AKAP13: variants seen among roughly 807,000 people sequenced by gnomAD.
The protein encoded by AKAP13 is A-kinase anchoring protein 13.
In AKAP13, 80 loss-of-function variants were observed where a neutral mutation model predicts 264.5. The observed-to-expected ratio is 0.30, with a 90% CI of 0.25 to 0.36. AKAP13 has a LOEUF of 0.36. Among genes scored for constraint, AKAP13 ranks in the 10% least tolerant of loss-of-function variants. The probability of loss-of-function intolerance (pLI) is 1.00; values close to 1 mark genes in which losing one functional copy is unlikely to be tolerated. For missense variants in AKAP13, 3,712 were observed against 3,435.2 expected (o/e 1.08, Z -2.01); for synonymous variants, 1,380 against 1,250.2 (o/e 1.10, Z -2.19).
intron 3 of AKAP13, among the ~76,000 whole-genome samples, chr15:85,532,773 G>A (rs1465352112): frequency 1.3e-5 from 2 of 152,194 alleles, no homozygotes; most frequent in African/African-American, 4.8e-5. Context: ...TGACCTGTCT[G>A]CAGCCGAACT....
chr15:85,694,578 A>G (rs1274420098), intron 17 of AKAP13, among the ~76,000 whole-genome samples: 1 of 152,246 alleles, frequency 6.6e-6, no homozygotes, highest in African/African-American at 2.4e-5. Flanking sequence ...GGGCTATACA[A>G]AAATAGGCTT....
chr15:85,625,987 A>G (rs1214024098), intron 8 of AKAP13, among the ~76,000 whole-genome samples: 2 of 152,272 alleles, frequency 1.3e-5, no homozygotes, highest in Non-Finnish European at 2.9e-5. Context: ...TAGTAAGCAC[A>G]ATATTCTTCA....
At chr15:85,658,505 G>A in intron 11 of AKAP13, 32 bp from the exon 12 acceptor site, 1 of 1,610,464 alleles carries the variant, frequency 6.2e-7, no homozygotes, top group Non-Finnish European at 8.5e-7. Flanking sequence ...TGTTTCACCT[G>A]CAACACTGAC....
intron 4 of AKAP13, among the ~76,000 whole-genome samples, chr15:85,543,201 T>C (rs544983309): frequency 1.4e-4 from 22 of 152,368 alleles, no homozygotes; most frequent in Non-Finnish European, 2.9e-4. Context: ...AAGCTGGCAG[T>C]GCCAGAAATT....
chr15:85,437,571 A>G (rs1013914726), intron 1 of AKAP13, among the ~76,000 whole-genome samples: 2 of 152,088 alleles, frequency 1.3e-5, no homozygotes, highest in African/African-American at 2.4e-5. Context: ...AAAATCCTCA[A>G]TAAAATACTG....
rs146259960 is a variant in AKAP13, at chr15:85,423,712, G to T, written c.-12+42914G>T. Reference sequence around the variant, plus strand: ...AATGTTCTTAATGGCATCTAGAATGGTGAATCCTTTGCAGAAGGTTTTCAG... The same window carrying T: ...AATGTTCTTAATGGCATCTAGAATGTTGAATCCTTTGCAGAAGGTTTTCAG... On this transcript the variant is annotated intron_variant, in intron 1 of 36. Transcript: ENST00000394518. Among the ~76,000 whole-genome samples the T allele has an allele frequency of 6.3e-3, 961 of 152,300 alleles. 11 individuals are homozygous for T. Among genetic ancestry groups the T allele is most frequent in the African/African-American group, 0.022 (910 of 41,566 alleles).
intron 1 of AKAP13, among the ~76,000 whole-genome samples, chr15:85,457,887 A>G (rs920076414): frequency 6.6e-6 from 1 of 152,168 alleles, no homozygotes; most frequent in African/African-American, 2.4e-5. Context: ...TATGCCTGTA[A>G]TCCCAGCCCT....
chr15:85,734,899 G>A lies in AKAP13; in HGVS notation c.7283-93G>A, dbSNP rs77324588. 2.0e-4 allele frequency: 292 copies of A among 1,485,720 alleles called. No homozygotes were observed. In the East Asian group the frequency reaches 5.5e-3, roughly 28 times the overall value. 92.0% of individuals were successfully genotyped at this position (1,485,720 alleles called of 1,614,324 possible). A position where few individuals can be genotyped will look rare whatever the true frequency, so the allele number is the denominator to read the frequency against. On this transcript the variant is annotated intron_variant, in intron 30 of 36. Coordinates refer to ENST00000394518, the MANE Select transcript of AKAP13 (RefSeq NM_007200.5). ...CCCAGTCACTCTTTGGAACTTTCAA[G>A]TCGTGCTCTTTGTACGTATCATATA...
rs371956428 is a variant in AKAP13, at chr15:85,486,183, A to T, written c.33+430A>T. 1.4e-4 allele frequency among the ~76,000 whole-genome samples: 22 copies of T among 152,258 alleles called. No individual in the cohort carries two copies. The East Asian group carries it at 3.7e-3, about 25-fold the overall frequency. On this transcript the variant is annotated intron_variant, in intron 2 of 36. Transcript: ENST00000394518. ...TGTTTTCTTTAGGACTCATCTCCCT[A>T]AAGTGAGGGACTTCCCTCATTCAGT...
At chr15:85,449,403 C>T (rs1443553314) in intron 1 of AKAP13, among the ~76,000 whole-genome samples, 3 of 152,122 alleles carry the variant, frequency 2.0e-5, no homozygotes, top group Non-Finnish European at 4.4e-5. Context: ...TTTCTTCCTA[C>T]TTGGGTGCCC....
intron 8 of AKAP13, among the ~76,000 whole-genome samples, chr15:85,615,772 A>G (rs1391657590): frequency 2.0e-5 from 3 of 152,238 alleles, no homozygotes; most frequent in Admixed American, 6.5e-5. Context: ...CTCTGAAACT[A>G]CCGTATCCCA....
Position 85,533,762 on chromosome 15 carries a change from C to CCAGT in AKAP13, c.364_367dup (p.Gly123ValfsTer12). ...CTTTGAACTTTACCCGTTTTCTTGA[C>CCAGT]CAGTCAGGACCCCCATCTGGGGATG... On this transcript the variant is annotated frameshift_variant, in exon 4 of 37. Transcript: ENST00000394518. LOFTEE classifies it high-confidence loss of function. 6.2e-7 allele frequency: 1 copy of CCAGT among 1,614,080 alleles called. No individual in the cohort carries two copies.
chr15:85,410,055 T>C (rs938487196), intron 1 of AKAP13, among the ~76,000 whole-genome samples: 1 of 151,782 alleles, frequency 6.6e-6, no homozygotes, highest in African/African-American at 2.4e-5. Context: ...GAGTATGATA[T>C]AATTTTATAA....
At chr15:85,639,139 T>C (rs1265193777) in intron 8 of AKAP13, among the ~76,000 whole-genome samples, 1 of 152,202 alleles carries the variant, frequency 6.6e-6, no homozygotes, top group African/African-American at 2.4e-5. Flanking sequence ...TCTTCGTGTA[T>C]CTTTTCTTAT....
At chr15:85,520,053 C>G (rs1215493134) in intron 2 of AKAP13, among the ~76,000 whole-genome samples, 1 of 151,916 alleles carries the variant, frequency 6.6e-6, no homozygotes, top group Non-Finnish European at 1.5e-5. Context: ...TGCTTTAAAC[C>G]TTGATGCTTT....
At chr15:85,512,644 C>T (rs1032941270) in intron 2 of AKAP13, among the ~76,000 whole-genome samples, 3 of 152,122 alleles carry the variant, frequency 2.0e-5, no homozygotes, top group African/African-American at 4.8e-5. Context: ...AAAAAATACT[C>T]TCGGCTACAG....
intron 4 of AKAP13, among the ~76,000 whole-genome samples, chr15:85,538,250 T>G (rs1476734196): frequency 2.0e-5 from 3 of 152,134 alleles, no homozygotes; most frequent in Non-Finnish European, 2.9e-5. Flanking sequence ...TCATTCTTAT[T>G]TACTCATGAT....
At chr15:85,719,379 C>G in intron 23 of AKAP13, 53 bp downstream of exon 23, 1 of 1,596,722 alleles carries the variant, frequency 6.3e-7, no homozygotes, top group South Asian at 1.1e-5. Context: ...AAAGGGAAGT[C>G]ATGGGGTTCC....
chr15:85,650,063 G>A (rs2082732783), intron 10 of AKAP13, among the ~76,000 whole-genome samples: 1 of 152,006 alleles, frequency 6.6e-6, no homozygotes. Context: ...TTCATGTGTT[G>A]TAGTTTTTCT....
Sources: allele counts gnomAD v4.1 joint callset (sites outside exome capture counted in the v4.1 genomes callset), GRCh38; gene constraint gnomAD v4.1.1; transcripts MANE v1.5; gene names NCBI Gene and HGNC (gene_info 2026-07-23, HGNC 2026-07-21).